The following RABGAP1 variants were observed in gnomAD, a reference collection of about 807,000 sequenced individuals.
RABGAP1 encodes RAB GTPase activating protein 1.
In RABGAP1, 23 loss-of-function variants were observed where a neutral mutation model predicts 137.6. The ratio of observed to expected loss-of-function variants is 0.17; its 90% CI spans 0.12 to 0.24. The LOEUF (loss-of-function observed/expected upper bound fraction) is 0.24. Among genes scored for constraint, RABGAP1 ranks in the 10% least tolerant of loss-of-function variants. The pLI is 1.00. For synonymous variants in RABGAP1, 451 were observed against 450.7 expected (o/e 1.00, Z -0.01); for missense variants, 906 against 1,275.8 (o/e 0.71, Z 4.42).
At chr9:122,958,794 A>G (rs550518722) in intron 2 of RABGAP1, among the ~76,000 whole-genome samples, 1 of 152,128 alleles carries the variant, frequency 6.6e-6, no homozygotes, top group Non-Finnish European at 1.5e-5. Context: ...GAATCACTTG[A>G]GCCTAGGAGT....
chr9:122,989,198 ATCT>A, intron 4 of RABGAP1, 96 bp from the exon 5 acceptor site: 2 of 1,096,844 alleles, frequency 1.8e-6, no homozygotes, highest in Non-Finnish European at 2.7e-6. Context: ...CAAATATATG[ATCT>A]TCTTACTAGA....
intron 13 of RABGAP1, chr9:123,034,858 G>C: frequency 6.2e-7 from 1 of 1,614,074 alleles, no homozygotes; most frequent in Non-Finnish European, 8.5e-7. Context: ...TCCAGTAGAG[G>C]AGTCCTTGAC....
At chr9:123,019,764 T>G (rs2031495786) in intron 12 of RABGAP1, among the ~76,000 whole-genome samples, 1 of 152,142 alleles carries the variant, frequency 6.6e-6, no homozygotes, top group Non-Finnish European at 1.5e-5. Flanking sequence ...AATCTTGGCT[T>G]ACTGCAACCT....
chr9:122,943,243 A>G (rs1833720352), intron 1 of RABGAP1, among the ~76,000 whole-genome samples: 1 of 151,434 alleles, frequency 6.6e-6, no homozygotes, highest in Admixed American at 6.6e-5. Flanking sequence ...AATTTTTTGT[A>G]TTTTTACTAG....
rs2035257044 is a variant in RABGAP1, at chr9:123,098,726, G to T, written c.2745G>T (p.Met915Ile). 6.2e-7 allele frequency: 1 copy of T among 1,613,284 alleles called. No homozygotes were observed. The highest frequency in any genetic ancestry group is 8.5e-7 in the Non-Finnish European group (1 of 1,179,694). Residue 915 changes from methionine to isoleucine, a missense_variant, in exon 23 of 26, where the codon ATG becomes ATT. Around this residue, in one of 9 missense-constraint regions of RABGAP1, gnomAD observed 193 missense variants for 248.1 expected, o/e 0.78. Transcript: ENST00000373647. ...LEEESAQLKE[M>I]CRRELDKAES... is the part of the protein sequence containing the mutation. The stretch of plus-strand genomic sequence containing the variant: ...TTTTATGTGTGCAGTTAAAAGAAAT[G>T]TGCCGTCGGGAACTCGACAAGGCAG...
chr9:123,076,783 T>A, intron 19 of RABGAP1, 21 bp downstream of exon 19: 3 of 1,545,534 alleles, frequency 1.9e-6, no homozygotes, highest in Non-Finnish European at 2.6e-6. Context: ...TTTGCATTAG[T>A]TAAGATTCTG....
chr9:122,957,095 C>T lies in RABGAP1; in HGVS notation c.36C>T (p.Val12=), dbSNP rs1834568342. The T allele has an allele frequency of 2.6e-6, 4 of 1,535,900 alleles. No homozygotes were observed. Among genetic ancestry groups the T allele is most frequent in the African/African-American group, 1.3e-5 (1 of 74,148 alleles). Residue 12 remains valine, a synonymous_variant, in exon 2 of 26, where the codon GTC becomes GTT. Transcript: ENST00000373647. ...DDKASVGKIS[V]SSDSVSTLNS... ...AGGCTTCTGTTGGAAAAATCAGTGT[C>T]TCTTCAGACTCAGTATCTACTCTTA...
chr9:122,993,414 G>C (rs1467766165), intron 6 of RABGAP1, among the ~76,000 whole-genome samples: 1 of 152,026 alleles, frequency 6.6e-6, no homozygotes, highest in Admixed American at 6.6e-5. Context: ...TGGAATTATA[G>C]GTGCCCACCG....
At chr9:122,997,551 C>A (rs1462557378) in intron 9 of RABGAP1, among the ~76,000 whole-genome samples, 190 bp downstream of exon 9, 1 of 150,850 alleles carries the variant, frequency 6.6e-6, no homozygotes, top group East Asian at 1.9e-4. Flanking sequence ...ACTTTTCCAT[C>A]CTTTTTTTCA....
intron 10 of RABGAP1, among the ~76,000 whole-genome samples, chr9:123,005,071 A>C (rs1361321159): frequency 1.3e-5 from 2 of 151,734 alleles, no homozygotes; most frequent in Middle Eastern, 3.4e-3. Flanking sequence ...AAAAAAAAAA[A>C]AAAAAACTAA....
chr9:123,062,541 T>G (rs2034017780), intron 13 of RABGAP1: 1 of 152,200 alleles, frequency 6.6e-6, no homozygotes. Flanking sequence ...GCCAAATATT[T>G]TAAGCAAATG....
chr9:122,943,299 C>T (rs1018082869), intron 1 of RABGAP1, among the ~76,000 whole-genome samples: 1 of 151,992 alleles, frequency 6.6e-6, no homozygotes, highest in African/African-American at 2.4e-5. Flanking sequence ...GAACTCCTGA[C>T]CTCAGGTGAT....
At chr9:123,015,684 G>T (rs767622275) in intron 12 of RABGAP1, 48 bp downstream of exon 12, 8 of 1,338,760 alleles carry the variant, frequency 6.0e-6, no homozygotes, top group South Asian at 1.2e-5. Context: ...TTCATTTTAT[G>T]GGTAGAGAAT....
chr9:122,963,255 A>T (rs1431710761), intron 2 of RABGAP1, among the ~76,000 whole-genome samples: 1 of 152,178 alleles, frequency 6.6e-6, no homozygotes, highest in African/African-American at 2.4e-5. Context: ...TTAAAAAAAA[A>T]TTATTGAAGA....
At chr9:123,087,438 T>C (rs898780454) in intron 19 of RABGAP1, among the ~76,000 whole-genome samples, 3 of 152,228 alleles carry the variant, frequency 2.0e-5, no homozygotes, top group African/African-American at 7.2e-5. Context: ...AAGTGTTTGC[T>C]GTTCGCAGCC....
At chr9:122,931,914 G>A in the RABGAP1 span, among the ~76,000 whole-genome samples, 5 of 150,928 alleles carry the variant, frequency 3.3e-5, no homozygotes, top group African/African-American at 1.2e-4. Flanking sequence ...GACTCGTCGC[G>A]CGGGAGCCCG....
At chr9:123,057,217 G>A (rs548352834) in intron 13 of RABGAP1, among the ~76,000 whole-genome samples, 5 of 151,710 alleles carry the variant, frequency 3.3e-5, no homozygotes, top group Admixed American at 6.6e-5. Flanking sequence ...CTTCCCAGAC[G>A]GGGTGGCTGC....
chr9:122,955,830 C>T (rs1044781760), intron 1 of RABGAP1, among the ~76,000 whole-genome samples: 1 of 152,118 alleles, frequency 6.6e-6, no homozygotes, highest in Non-Finnish European at 1.5e-5. Flanking sequence ...AAGCATAAAT[C>T]AGGACTTCTC....
chr9:122,958,247 C>T (rs1028827652), intron 2 of RABGAP1, among the ~76,000 whole-genome samples: 3 of 152,222 alleles, frequency 2.0e-5, no homozygotes, highest in African/African-American at 7.2e-5. Flanking sequence ...GTCTGCCTCC[C>T]CCAGGCAGCC....
Sources: gnomAD v4.1 joint callset for allele counts (sites outside exome capture counted in the v4.1 genomes callset) on GRCh38, gnomAD v4.1.1 for gene constraint, gnomAD v4.1.1 regional missense constraint, MANE v1.5 for transcripts, NCBI Gene and HGNC (gene_info 2026-07-23, HGNC 2026-07-21) for gene names.